Variants in TMCO6 observed in about 807,000 individuals in gnomAD.
TMCO6 encodes the protein transmembrane and coiled-coil domains 6.
A neutral mutation model predicts 61.8 loss-of-function variants in TMCO6; 47 were observed. The ratio of observed to expected loss-of-function variants is 0.76; its 90% CI spans 0.60 to 0.97. The LOEUF (loss-of-function observed/expected upper bound fraction) is 0.97. TMCO6 is among the 50% of genes least tolerant of loss of function. TMCO6 has a pLI of 0.00. For synonymous variants in TMCO6, 261 were observed against 254.2 expected, an observed-to-expected ratio of 1.03 and a Z score of -0.25; for missense variants, 557 against 601.6, an observed-to-expected ratio of 0.93 and a Z score of 0.78.
downstream of TMCO6, chr5:140,645,604 G>A: frequency 6.2e-7 from 1 of 1,614,138 alleles, no homozygotes; most frequent in Non-Finnish European, 8.5e-7. Flanking sequence ...TTACCACTTA[G>A]AACGTTCTCC....
At chr5:140,628,430 G>GCTTTT in the TMCO6 span, among the ~76,000 whole-genome samples, 1 of 151,742 alleles carries the variant, frequency 6.6e-6, no homozygotes, top group Admixed American at 6.6e-5. Flanking sequence ...GCACTTTACG[G>GCTTTT]CTTTTCTTTT....
the TMCO6 span, among the ~76,000 whole-genome samples, chr5:140,623,616 C>T: frequency 2.6e-5 from 4 of 152,172 alleles, no homozygotes; most frequent in Non-Finnish European, 4.4e-5. Context: ...AGCCACAGGG[C>T]GAAATGTATC....
chr5:140,621,626 T>C, the TMCO6 span, among the ~76,000 whole-genome samples: 1 of 152,172 alleles, frequency 6.6e-6, no homozygotes, highest in Non-Finnish European at 1.5e-5. Context: ...GTTCAGGGAA[T>C]AAGAGAGATA....
upstream of TMCO6, among the ~76,000 whole-genome samples, chr5:140,635,728 G>A (rs182870391): frequency 1.3e-5 from 2 of 152,324 alleles, no homozygotes; most frequent in South Asian, 2.1e-4. Flanking sequence ...AGTGCAGAGG[G>A]CTCTTAAAAG....
chr5:140,635,386 A>C (rs1756745623), upstream of TMCO6, among the ~76,000 whole-genome samples: 1 of 152,218 alleles, frequency 6.6e-6, no homozygotes, highest in Non-Finnish European at 1.5e-5. Flanking sequence ...TTTGTGAGTA[A>C]AGTCTTTGGC....
the TMCO6 span, among the ~76,000 whole-genome samples, chr5:140,612,465 G>A: frequency 6.7e-6 from 1 of 149,420 alleles, no homozygotes; most frequent in East Asian, 2.0e-4. Flanking sequence ...TCAGCCTCCC[G>A]AGTAGCTGGG....
At chr5:140,631,899 G>A in the TMCO6 span, 2 of 1,592,994 alleles carry the variant, frequency 1.3e-6, no homozygotes, top group Non-Finnish European at 1.7e-6. Flanking sequence ...CAGGGTTCCC[G>A]ACACCCCCAC....
At position 140,641,970 on chromosome 5, in the gene TMCO6, G is replaced by A. The variant is rs550584637; in HGVS notation, c.415G>A (p.Glu139Lys). The A allele has an allele frequency of 8.7e-6, 14 of 1,613,908 alleles. No individual in the cohort carries two copies. The highest frequency in any genetic ancestry group is 3.3e-5 in the South Asian group (3 of 91,086). The change falls in exon 4 of 12, where the codon GAG becomes AAG. Residue 139 changes from glutamate to lysine, a missense_variant. Coordinates refer to ENST00000394671, the MANE Select transcript of TMCO6 (RefSeq NM_018502.5). ...ARCLHELSHSEQSTVAEACLP... is the reference protein window; with the variant it reads ...ARCLHELSHSKQSTVAEACLP... ...GTGCCTGCATGAGCTCTCTCACTCCGAGCAGTCCACTGTTGCTGAGGCCTG... is the reference window on the plus strand; with the variant it reads ...GTGCCTGCATGAGCTCTCTCACTCCAAGCAGTCCACTGTTGCTGAGGCCTG...
the TMCO6 span, among the ~76,000 whole-genome samples, chr5:140,621,437 A>G: frequency 1.3e-5 from 2 of 152,206 alleles, no homozygotes; most frequent in African/African-American, 2.4e-5. Flanking sequence ...TTCCCCAGTC[A>G]ATACCCTTGT....
rs1204268408 is a variant in TMCO6 at position 140,644,118 on chromosome 5, G to C, written c.1124G>C (p.Cys375Ser). The change falls in exon 10 of 12, where the codon TGT becomes TCT. Residue 375 changes from cysteine (C) to serine (S), a missense_variant. Physicochemically the swap from Cys to Ser is moderately radical, Grantham distance 112. Coordinates refer to ENST00000394671, the MANE Select transcript of TMCO6 (RefSeq NM_018502.5). Reference protein sequence around the residue: ...NNLTANSPSFCTSLLSLDLIE... With the variant: ...NNLTANSPSFSTSLLSLDLIE... ...CTTCCAGCAAACAGTCCTAGTTTCTGTACCTCCTTGCTCTCCCTGGATCTG... is the reference window on the plus strand; with the variant it reads ...CTTCCAGCAAACAGTCCTAGTTTCTCTACCTCCTTGCTCTCCCTGGATCTG... The C allele has an allele frequency of 1.2e-6, 2 of 1,614,210 alleles. No individual in the cohort carries two copies. Among genetic ancestry groups the C allele is most frequent in the South Asian group, 2.2e-5 (2 of 91,090 alleles).
downstream of TMCO6, among the ~76,000 whole-genome samples, chr5:140,646,007 CTCTTT>C (rs1255364165): frequency 3.0e-4 from 41 of 138,650 alleles, no homozygotes; most frequent in African/African-American, 8.3e-4. Context: ...CCCATTCTCT[CTCTTT>C]TTTTTTTTTT....
the TMCO6 span, among the ~76,000 whole-genome samples, chr5:140,599,370 T>G: frequency 2.0e-3 from 306 of 152,326 alleles, 1 homozygote; most frequent in African/African-American, 7.1e-3. Flanking sequence ...GGGATCCCTT[T>G]AAGAGGGCAG....
the TMCO6 span, among the ~76,000 whole-genome samples, chr5:140,607,441 A>T: frequency 6.6e-6 from 1 of 152,192 alleles, no homozygotes; most frequent in South Asian, 2.1e-4. Flanking sequence ...TCATTTATCC[A>T]CTAGTGGACA....
intron 8 of TMCO6, 49 bp downstream of exon 8, chr5:140,643,724 T>G: frequency 6.2e-7 from 1 of 1,606,086 alleles, no homozygotes; most frequent in Non-Finnish European, 8.5e-7. Context: ...CTTGATACTC[T>G]GGAATGCAGG....
chr5:140,645,931 C>G (rs971629615), downstream of TMCO6, among the ~76,000 whole-genome samples: 1 of 151,650 alleles, frequency 6.6e-6, no homozygotes, highest in Non-Finnish European at 1.5e-5. Flanking sequence ...CTTTCGGGGG[C>G]ACTGTAGGCA....
At chr5:140,612,500 C>G in the TMCO6 span, among the ~76,000 whole-genome samples, 9 of 152,146 alleles carry the variant, frequency 5.9e-5, no homozygotes, top group African/African-American at 2.2e-4. Flanking sequence ...CCACGGCGCC[C>G]GGCTCATTTT....
the TMCO6 span, among the ~76,000 whole-genome samples, chr5:140,623,681 T>C: frequency 6.6e-6 from 1 of 152,208 alleles, no homozygotes; most frequent in African/African-American, 2.4e-5. Context: ...CCTCAAACCA[T>C]AGAGTCATCC....
In TMCO6 at chr5:140,645,125, CCT is replaced by C. The variant is rs767691554; in HGVS notation, c.*34_*35del. On this transcript the variant is annotated 3_prime_UTR_variant, in exon 12 of 12. Coordinates refer to ENST00000394671, the MANE Select transcript of TMCO6 (RefSeq NM_018502.5). ...CTTGTTTCTCAATGTCACTCATTCC[CCT>C]CTCTCTTAACATCAAGCTTGTTTGT... 6 of 1,600,630 alleles carry C rather than the reference CCT, an allele frequency of 3.7e-6. No individual in the cohort carries two copies. Among genetic ancestry groups the C allele is most frequent in the Admixed American group, 3.3e-5 (2 of 60,008 alleles).
the TMCO6 span, among the ~76,000 whole-genome samples, chr5:140,597,189 A>T: frequency 2.8e-3 from 422 of 152,314 alleles, 2 homozygotes; most frequent in Non-Finnish European, 4.8e-3. Context: ...TACCAACATG[A>T]ATATGCCTAA....
Sources: allele counts gnomAD v4.1 joint callset (sites outside exome capture counted in the v4.1 genomes callset), GRCh38; gene constraint gnomAD v4.1.1; transcripts MANE v1.5; gene names NCBI Gene and HGNC (gene_info 2026-07-23, HGNC 2026-07-21).